The following CASK variants were observed in gnomAD, a reference collection of about 807,000 sequenced individuals.
CASK encodes the protein calcium/calmodulin dependent serine protein kinase.
In CASK, 4 loss-of-function variants were observed where a neutral mutation model predicts 82.9. The observed-to-expected ratio is 0.05, with a 90% CI of 0.02 to 0.11. The LOEUF (loss-of-function observed/expected upper bound fraction) is 0.11, where lower values mean the gene tolerates loss of function less well. Among genes scored for constraint, CASK ranks in the 10% least tolerant of loss-of-function variants. The pLI is 1.00. For synonymous variants in CASK, 259 were observed against 253.5 expected, an observed-to-expected ratio of 1.02 and a Z score of -0.20; for missense variants, 358 against 720.9, an observed-to-expected ratio of 0.50 and a Z score of 5.76.
intron 2 of CASK, among the ~76,000 whole-genome samples, chrX:41,793,236 A>G (rs1007599740): frequency 1.8e-5 from 2 of 111,630 alleles, no homozygotes; most frequent in East Asian, 2.8e-4. Context: ...ACACATACAT[A>G]TATATGCACA....
chrX:41,557,018 G>C lies in CASK; in HGVS notation c.1806+14C>G, dbSNP rs750260185. 1 of 1,195,558 alleles carries C rather than the reference G, an allele frequency of 8.4e-7. No homozygotes were observed. Among genetic ancestry groups the C allele is most frequent in the Admixed American group, 2.2e-5 (1 of 45,991 alleles). ...AAATTGTCACACTTTGCTGTGTGGAGCTAAAGTTCTTACCGAAACAGAATT... is the reference window on the plus strand; with the variant it reads ...AAATTGTCACACTTTGCTGTGTGGACCTAAAGTTCTTACCGAAACAGAATT... On this transcript the variant is annotated intron_variant, in intron 19 of 26. Coordinates refer to ENST00000378163, the MANE Select transcript of CASK (RefSeq NM_001367721.1).
At chrX:41,662,805 C>G (rs903509367) in intron 7 of CASK, among the ~76,000 whole-genome samples, 1 of 109,885 alleles carries the variant, frequency 9.1e-6, no homozygotes, top group African/African-American at 3.3e-5. Flanking sequence ...AAAAGAACCA[C>G]CAAGGTGATG....
At chrX:41,693,172 T>C in intron 5 of CASK, among the ~76,000 whole-genome samples, 1 of 111,612 alleles carries the variant, frequency 9.0e-6, no homozygotes, top group Non-Finnish European at 1.9e-5. Context: ...CTCAATTCCC[T>C]GAACCTATGA....
intron 5 of CASK, among the ~76,000 whole-genome samples, chrX:41,707,302 A>C (rs1174058298): frequency 8.9e-6 from 1 of 112,188 alleles, no homozygotes; most frequent in Non-Finnish European, 1.9e-5. Context: ...CCCAGGATGA[A>C]AGATCACATG....
At chrX:41,730,342 G>A (rs1215152330) in intron 5 of CASK, among the ~76,000 whole-genome samples, 9 of 110,794 alleles carry the variant, frequency 8.1e-5, no homozygotes, top group African/African-American at 2.6e-4. Context: ...AGGTTATTCC[G>A]GGGGCAAAAC....
Position 41,612,517 on chromosome X carries a change from C to A in CASK, c.1034-2492G>T, listed in dbSNP as rs1397778594. Among the ~76,000 whole-genome samples, 10 of 107,344 alleles carry A rather than the reference C, an allele frequency of 9.3e-5. No homozygotes were observed. The Admixed American group carries it at 9.6e-4, about 10-fold the overall frequency. The allele number at this position is 107,344 out of a possible 115,157, so 93.2% of individuals were successfully genotyped here. On this transcript the variant is annotated intron_variant, in intron 11 of 26. Coordinates refer to ENST00000378163, the MANE Select transcript of CASK (RefSeq NM_001367721.1). ...GTCTCCGCCCGGCAGCCACCCCGTCCGGGAAGGAGGTGGGGGTCAGCCCCC... is the reference window on the plus strand; with the variant it reads ...GTCTCCGCCCGGCAGCCACCCCGTCAGGGAAGGAGGTGGGGGTCAGCCCCC...
chrX:41,713,093 G>A (rs760767991), intron 5 of CASK, among the ~76,000 whole-genome samples: 31 of 111,977 alleles, frequency 2.8e-4, no homozygotes, highest in Non-Finnish European at 4.1e-4. Context: ...CAATTTCCCT[G>A]TATTGATAAA....
At chrX:41,681,972 G>A in intron 5 of CASK, among the ~76,000 whole-genome samples, 1 of 102,974 alleles carries the variant, frequency 9.7e-6, no homozygotes, top group East Asian at 3.1e-4. Context: ...AAGCTGAATT[G>A]CTTGATATGT....
intron 11 of CASK, among the ~76,000 whole-genome samples, chrX:41,619,904 C>T (rs1255665460): frequency 2.7e-5 from 3 of 112,270 alleles, no homozygotes; most frequent in Non-Finnish European, 5.6e-5. Context: ...ATCTATCCAT[C>T]AGTTCACGTA....
chrX:41,851,691 ATTAT>A (rs2071269714), intron 2 of CASK, among the ~76,000 whole-genome samples: 1 of 112,207 alleles, frequency 8.9e-6, no homozygotes, highest in Admixed American at 9.4e-5. Flanking sequence ...ATTTATTTTA[ATTAT>A]TTATAACAAT....
chrX:41,800,800 A>G (rs2069979712), intron 2 of CASK, among the ~76,000 whole-genome samples: 1 of 111,335 alleles, frequency 9.0e-6, no homozygotes, highest in South Asian at 3.8e-4. Flanking sequence ...ATGATTTCCA[A>G]TTTCATCCAT....
intron 1 of CASK, among the ~76,000 whole-genome samples, chrX:41,854,224 GCACACACACACACACACACACA>G (rs4007745): frequency 4.9e-5 from 4 of 81,716 alleles, no homozygotes; most frequent in Admixed American, 1.5e-4. Flanking sequence ...GCGGGCGCGC[GCACACACACACACACACACACA>G]CACACACACA....
intron 1 of CASK, among the ~76,000 whole-genome samples, chrX:41,898,198 T>C (rs2072305023): frequency 8.9e-6 from 1 of 111,754 alleles, no homozygotes; most frequent in Non-Finnish European, 1.9e-5. Context: ...CCAGTCTTGA[T>C]AGGCTGTATT....
chrX:41,591,770 C>T (rs755957742), intron 12 of CASK, among the ~76,000 whole-genome samples: 3 of 110,220 alleles, frequency 2.7e-5, no homozygotes, highest in Non-Finnish European at 5.7e-5. Flanking sequence ...CCACCGTGCC[C>T]AGCCAACAAT....
chrX:41,772,345 C>CAAAAAAAA (rs761427437), intron 3 of CASK, among the ~76,000 whole-genome samples: 1 of 26,356 alleles, frequency 3.8e-5, no homozygotes, highest in Non-Finnish European at 5.8e-5. Flanking sequence ...GACTCTGTCT[C>CAAAAAAAA]AAAAAAAAAA....
At chrX:41,830,032 ACT>A (rs963053400) in intron 2 of CASK, among the ~76,000 whole-genome samples, 1 of 106,059 alleles carries the variant, frequency 9.4e-6, no homozygotes, top group Non-Finnish European at 1.9e-5. Flanking sequence ...ACAGGGTCTC[ACT>A]CTGTTGCCCA....
At chrX:41,582,123 A>G (rs1205105223) in intron 14 of CASK, among the ~76,000 whole-genome samples, 2 of 110,550 alleles carry the variant, frequency 1.8e-5, no homozygotes, top group African/African-American at 6.6e-5. Context: ...CCAAGCCTCT[A>G]CAACCTCTCA....
At chrX:41,569,639 G>T in intron 16 of CASK, 29 bp downstream of exon 16, 1 of 1,029,036 alleles carries the variant, frequency 9.7e-7, no homozygotes, top group Non-Finnish European at 1.4e-6. Flanking sequence ...ATTAAGGAAG[G>T]CAAAGAAAGA....
chrX:41,787,916 G>A (rs959930296), intron 2 of CASK, among the ~76,000 whole-genome samples: 2 of 110,844 alleles, frequency 1.8e-5, no homozygotes, highest in Admixed American at 1.9e-4. Context: ...AGCACTTTGG[G>A]AGGCCGAGAC....
Sources: gnomAD v4.1 joint callset for allele counts (sites outside exome capture counted in the v4.1 genomes callset) on GRCh38, gnomAD v4.1.1 for gene constraint, MANE v1.5 for transcripts, NCBI Gene and HGNC (gene_info 2026-07-23, HGNC 2026-07-21) for gene names.